Variants in MYO1D observed in about 807,000 individuals in gnomAD.
MYO1D encodes myosin ID.
MYO1D carries 83 observed loss-of-function variants against 122.0 expected under a neutral mutation model. The observed-to-expected ratio is 0.68, with a 90% CI of 0.57 to 0.82. The LOEUF is 0.82. Among genes scored for constraint, MYO1D ranks in the 40% least tolerant of loss-of-function variants. MYO1D has a pLI of 0.00. For synonymous variants in MYO1D, 464 were observed against 446.9 expected, an observed-to-expected ratio of 1.04 and a Z score of -0.48; for missense variants, 1,157 against 1,269.5, an observed-to-expected ratio of 0.91 and a Z score of 1.35.
intron 1 of MYO1D, among the ~76,000 whole-genome samples, chr17:32,819,679 TTTAG>T (rs1331705456): frequency 1.3e-5 from 2 of 152,220 alleles, no homozygotes; most frequent in Non-Finnish European, 2.9e-5. Context: ...TAGTAACTCT[TTTAG>T]TTATTCAGTT....
chr17:32,540,700 C>G (rs148694281), intron 21 of MYO1D, among the ~76,000 whole-genome samples: 7 of 151,828 alleles, frequency 4.6e-5, no homozygotes, highest in Admixed American at 3.9e-4. Context: ...CTGAGGTGGG[C>G]GGATCACTTG....
At position 32,679,041 on chromosome 17, in the gene MYO1D, G is replaced by T. The variant is rs893848333; in HGVS notation, c.2122-19703C>A. 1.4e-3 allele frequency among the ~76,000 whole-genome samples: 212 copies of T among 150,966 alleles called. 1 individual carries two copies. Among genetic ancestry groups the T allele is most frequent in the African/African-American group, 4.9e-3 (202 of 40,864 alleles). ...TGAGCATTTTTTCATGTGTTTTTTG[G>T]CTGCATAAATGTCTTCTTTTGAGAA... is the stretch of plus-strand genomic sequence containing the variant. On this transcript the variant is annotated intron_variant, in intron 16 of 21. Transcript: ENST00000318217.
intron 16 of MYO1D, among the ~76,000 whole-genome samples, chr17:32,703,004 A>C (rs980636271): frequency 7.2e-5 from 11 of 152,350 alleles, no homozygotes; most frequent in Admixed American, 5.9e-4. Flanking sequence ...AGTTACCTAC[A>C]AATTGCTCAG....
chr17:32,788,150 T>C (rs557853225), intron 1 of MYO1D, among the ~76,000 whole-genome samples: 1 of 152,336 alleles, frequency 6.6e-6, no homozygotes, highest in African/African-American at 2.4e-5. Flanking sequence ...TAATTCTCCA[T>C]CCTGTCGTTG....
intron 8 of MYO1D, among the ~76,000 whole-genome samples, chr17:32,762,016 C>G (rs779881608): frequency 6.6e-6 from 1 of 152,042 alleles, no homozygotes; most frequent in Non-Finnish European, 1.5e-5. Context: ...CCCCCCACCT[C>G]GCAGATAAAC....
intron 1 of MYO1D, among the ~76,000 whole-genome samples, chr17:32,869,193 T>A (rs938633381): frequency 6.6e-5 from 10 of 151,584 alleles, no homozygotes; most frequent in African/African-American, 2.2e-4. Flanking sequence ...CACTCCAGCC[T>A]GGGCAACAGA....
At chr17:32,536,742 G>C (rs1481576068) in intron 21 of MYO1D, among the ~76,000 whole-genome samples, 1 of 152,072 alleles carries the variant, frequency 6.6e-6, no homozygotes, top group Non-Finnish European at 1.5e-5. Flanking sequence ...ATCGGATCTG[G>C]GTCACGGCTG....
chr17:32,765,326 G>C (rs2090044547), intron 7 of MYO1D, among the ~76,000 whole-genome samples: 1 of 152,196 alleles, frequency 6.6e-6, no homozygotes. Context: ...TCGAATCTAT[G>C]AATCTTTTGC....
At chr17:32,860,873 T>C (rs2091067094) in intron 1 of MYO1D, among the ~76,000 whole-genome samples, 1 of 152,214 alleles carries the variant, frequency 6.6e-6, no homozygotes, top group South Asian at 2.1e-4. Context: ...CATCAGAGAA[T>C]TCATGGCTCA....
At position 32,861,229 on chromosome 17, in the gene MYO1D, C is replaced by G. The variant is rs569009417; in HGVS notation, c.95+15549G>C. Among the ~76,000 whole-genome samples the G allele has an allele frequency of 3.2e-4, 48 of 152,182 alleles. 1 individual carries two copies. Among genetic ancestry groups the G allele is most frequent in the Middle Eastern group, 6.8e-3 (2 of 294 alleles). The stretch of plus-strand genomic sequence containing the variant: ...TACAGGCACCCACCACCACACGCAG[C>G]TAATTTTTTGTATTTTTAGTAGAGA... On this transcript the variant is annotated intron_variant, in intron 1 of 21. Transcript: ENST00000318217.
intron 16 of MYO1D, among the ~76,000 whole-genome samples, chr17:32,661,470 T>C (rs938033291): frequency 3.9e-5 from 6 of 152,086 alleles, no homozygotes; most frequent in African/African-American, 1.2e-4. Flanking sequence ...ATGGGCAACA[T>C]GGTGAAACCC....
intron 1 of MYO1D, among the ~76,000 whole-genome samples, chr17:32,831,252 AT>A (rs2090769075): frequency 6.6e-6 from 1 of 152,196 alleles, no homozygotes. Flanking sequence ...AGAGAATAAC[AT>A]TTTTTGAAGC....
chr17:32,527,595 C>T (rs1910381553), intron 21 of MYO1D, among the ~76,000 whole-genome samples: 1 of 152,050 alleles, frequency 6.6e-6, no homozygotes, highest in Admixed American at 6.6e-5. Flanking sequence ...GAGTTTCAGA[C>T]CGGCCTGGGC....
chr17:32,750,223 T>C (rs965357564), intron 11 of MYO1D, among the ~76,000 whole-genome samples: 1 of 152,188 alleles, frequency 6.6e-6, no homozygotes, highest in Non-Finnish European at 1.5e-5. Context: ...ACAATCTTCC[T>C]TGTTACAGTA....
At chr17:32,694,382 G>C (rs2089143849) in intron 16 of MYO1D, among the ~76,000 whole-genome samples, 1 of 152,094 alleles carries the variant, frequency 6.6e-6, no homozygotes, top group South Asian at 2.1e-4. Context: ...TATGGTGTTG[G>C]ACATACCTAC....
intron 1 of MYO1D, among the ~76,000 whole-genome samples, chr17:32,841,122 T>C (rs771194624): frequency 6.6e-6 from 1 of 152,186 alleles, no homozygotes; most frequent in Non-Finnish European, 1.5e-5. Flanking sequence ...GTGTATTAAA[T>C]ACCTTTTTGA....
At chr17:32,682,046 C>G in intron 16 of MYO1D, among the ~76,000 whole-genome samples, 1 of 82,024 alleles carries the variant, frequency 1.2e-5, no homozygotes, top group Admixed American at 1.4e-4. Context: ...GGTTTAAAGT[C>G]TGTTTTATCA....
At chr17:32,783,711 G>A (rs2090263473) in intron 1 of MYO1D, among the ~76,000 whole-genome samples, 1 of 152,124 alleles carries the variant, frequency 6.6e-6, no homozygotes, top group African/African-American at 2.4e-5. Flanking sequence ...CCACTAGGTG[G>A]TGCCAATATA....
At chr17:32,543,354 A>C (rs1332112377) in intron 21 of MYO1D, among the ~76,000 whole-genome samples, 4 of 151,616 alleles carry the variant, frequency 2.6e-5, no homozygotes, top group Non-Finnish European at 5.9e-5. Context: ...TGGCGGGCAG[A>C]TCACGAGGTT....
Sources: gnomAD v4.1 joint callset for allele counts (sites outside exome capture counted in the v4.1 genomes callset) on GRCh38, gnomAD v4.1.1 for gene constraint, MANE v1.5 for transcripts, NCBI Gene and HGNC (gene_info 2026-07-23, HGNC 2026-07-21) for gene names.